Variants in PDGFRB observed in about 807,000 individuals in gnomAD.
The protein encoded by PDGFRB is platelet derived growth factor receptor beta.
PDGFRB carries 42 observed loss-of-function variants against 120.2 expected under a neutral mutation model. That is an observed-to-expected ratio of 0.35 (90% confidence interval 0.27 to 0.45). The LOEUF (loss-of-function observed/expected upper bound fraction) is 0.45. PDGFRB is among the 20% of genes least tolerant of loss of function. The probability of loss-of-function intolerance (pLI) is 1.00; values close to 1 mark genes in which losing one functional copy is unlikely to be tolerated. For synonymous variants in PDGFRB, 586 were observed against 606.8 expected (o/e 0.97, Z 0.50); for missense variants, 1,149 against 1,476.3 (o/e 0.78, Z 3.63).
Position 150,114,288 on chromosome 5 carries a change from C to T in PDGFRB, c.*1475G>A, listed in dbSNP as rs924007760. The T allele has an allele frequency of 8.6e-6, 2 of 233,076 alleles. No individual in the cohort carries two copies. The highest frequency in any genetic ancestry group is 4.4e-5 in the African/African-American group (2 of 45,354). The allele number at this position is 233,076 out of a possible 1,614,324, so 14.4% of individuals were successfully genotyped here. On this transcript the variant is annotated 3_prime_UTR_variant, in exon 23 of 23. Transcript: ENST00000261799. ...GATGGGGCAGCTGGTGGGTGAGGGG[C>T]AAACCTCCAAAGCGCCCACCTCTCA...
At chr5:150,140,853 T>G (rs540681039) in intron 1 of PDGFRB, among the ~76,000 whole-genome samples, 51 of 152,240 alleles carry the variant, frequency 3.3e-4, no homozygotes, top group African/African-American at 1.2e-3. Flanking sequence ...ACTTCCCTCC[T>G]CCCAGCACGT....
At chr5:150,119,037 G>T (rs1271030402) in intron 20 of PDGFRB, among the ~76,000 whole-genome samples, 185 bp from the exon 21 acceptor site, 1 of 152,186 alleles carries the variant, frequency 6.6e-6, no homozygotes, top group African/African-American at 2.4e-5. Flanking sequence ...CCCTCGCAGA[G>T]CCCCCATTCC....
At chr5:150,147,806 GT>G (rs1266699317) in intron 1 of PDGFRB, among the ~76,000 whole-genome samples, 2 of 152,154 alleles carry the variant, frequency 1.3e-5, no homozygotes, top group Non-Finnish European at 2.9e-5. Context: ...TCACTGGGTT[GT>G]CAGGGCTATT....
chr5:150,134,318 T>C (rs1278114930), intron 4 of PDGFRB, among the ~76,000 whole-genome samples: 3 of 152,184 alleles, frequency 2.0e-5, no homozygotes, highest in East Asian at 1.9e-4. Flanking sequence ...ACATAACATG[T>C]GCCAGGTACT....
rs760367935 is a variant in PDGFRB at position 150,120,079 on chromosome 5, G to T, written c.2631C>A (p.Asn877Lys). Reference sequence around the variant, plus strand: ...CGTCGCTCAGGGTGGTGTAGAGGCTGTTGAAGATGCTCTCCGGAGCCATCC... The same window carrying T: ...CGTCGCTCAGGGTGGTGTAGAGGCTTTTGAAGATGCTCTCCGGAGCCATCC... ...LKWMAPESIF[N>K]SLYTTLSDVW... The change falls in exon 19 of 23, where the codon AAC (asparagine) becomes AAA (lysine). Residue 877 changes from asparagine (N) to lysine (K), a missense_variant. Asn to Lys is a moderately conservative substitution (Grantham distance 94). This residue lies in a region of PDGFRB where 68 missense variants were observed against 153.3 expected (regional missense o/e 0.44). Transcript: ENST00000261799. The surrounding 1 kb of genome is among the most constrained non-coding windows in gnomAD (Gnocchi z 4.3). 1.7e-5 allele frequency: 27 copies of T among 1,606,704 alleles called. No homozygotes were observed. In the African/African-American group the frequency reaches 2.4e-4, roughly 14 times the overall value.
At chr5:150,131,682 C>T (rs762876437) in intron 8 of PDGFRB, among the ~76,000 whole-genome samples, 6 of 152,118 alleles carry the variant, frequency 3.9e-5, no homozygotes, top group African/African-American at 1.2e-4. Context: ...AAATACCTAT[C>T]GAGTTAATAG....
chr5:150,136,715 G>C (rs1243439391), intron 2 of PDGFRB, among the ~76,000 whole-genome samples: 2 of 152,200 alleles, frequency 1.3e-5, no homozygotes, highest in Non-Finnish European at 2.9e-5. Context: ...ACCAGACCGA[G>C]GATAGGAGGC....
chr5:150,134,053 C>T (rs1485816308), intron 4 of PDGFRB, 45 bp from the exon 5 acceptor site: 10 of 1,597,176 alleles, frequency 6.3e-6, no homozygotes, highest in Non-Finnish European at 7.7e-6. Flanking sequence ...TCACCACCAG[C>T]CACTAGCACT....
At chr5:150,145,784 C>CAGAAA (rs1760905913) in intron 1 of PDGFRB, among the ~76,000 whole-genome samples, 1 of 152,038 alleles carries the variant, frequency 6.6e-6, no homozygotes, top group African/African-American at 2.4e-5. Context: ...GCCTGTAATC[C>CAGAAA]CAGCTTCTCG....
rs774032065 is a variant in PDGFRB, at chr5:150,121,304, C to T, written c.2363G>A (p.Arg788Gln). The change falls in exon 17 of 23, where the codon CGA (arginine) becomes CAA (glutamine). Residue 788 changes from arginine to glutamine, a missense_variant. Coordinates refer to ENST00000261799, the MANE Select transcript of PDGFRB (RefSeq NM_002609.4). The surrounding 1 kb of genome is among the most constrained non-coding windows in gnomAD (Gnocchi z 4.1). ...TGGAGACTCGTTGATCAAAGTTGCT[C>T]GGCAGGTCCTCTCAGGGGCTAGAGG... ...YVPSAPERTC[R>Q]ATLINESPVL... 1.7e-5 allele frequency: 27 copies of T among 1,577,342 alleles called. No individual in the cohort carries two copies. The highest frequency in any genetic ancestry group is 3.3e-4 in the Middle Eastern group (2 of 6,018).
rs768416368 is a variant in PDGFRB, at chr5:150,125,497, C to T, written c.1755G>A (p.Met585Ile). Reference protein sequence around the residue: ...DGHEYIYVDPMQLPYDSTWEL... With the variant: ...DGHEYIYVDPIQLPYDSTWEL... ...CCCACGTGGAGTCATAGGGCAGCTG[C>T]ATGGGGTCCACGTAGATGTACTCAT... The change falls in exon 12 of 23, where the codon ATG (methionine) becomes ATA (isoleucine). Residue 585 changes from methionine to isoleucine, a missense_variant. Met to Ile is a conservative substitution (Grantham distance 10, BLOSUM62 1). Around this residue, in one of 3 missense-constraint regions of PDGFRB, gnomAD observed 879 missense variants for 1,108.6 expected, o/e 0.79. Transcript: ENST00000261799. 4.3e-6 allele frequency: 7 copies of T among 1,613,706 alleles called. No individual in the cohort carries two copies. The East Asian group carries it at 1.6e-4, about 36-fold the overall frequency.
Position 150,132,695 on chromosome 5 carries a change from G to A in PDGFRB, c.1127+55C>T. The A allele has an allele frequency of 2.6e-6, 4 of 1,523,820 alleles. No homozygotes were observed. The South Asian group carries it at 4.9e-5, about 19-fold the overall frequency. 94.4% of individuals were successfully genotyped at this position (1,523,820 alleles called of 1,614,324 possible). A position where few individuals can be genotyped will look rare whatever the true frequency, so the allele number is the denominator to read the frequency against. Reference sequence around the variant, plus strand: ...TGTGGCTGAAAGCCGAGGGCTGCCTGGCGGCTGCAAAGAAAAATAACTTCA... The same window carrying A: ...TGTGGCTGAAAGCCGAGGGCTGCCTAGCGGCTGCAAAGAAAAATAACTTCA... On this transcript the variant is annotated intron_variant, in intron 7 of 22. Transcript: ENST00000261799. This position sits in a 1 kb window ranked among gnomAD's most constrained non-coding sequence, Gnocchi z 5.0.
At chr5:150,136,856 G>C in intron 2 of PDGFRB, 152 bp downstream of exon 2, 1 of 650,516 alleles carries the variant, frequency 1.5e-6, no homozygotes, top group Admixed American at 2.8e-5. Flanking sequence ...GGCCTCCACA[G>C]AGCCCACTGG....
At chr5:150,130,761 AG>A (rs1760443654) in intron 8 of PDGFRB, 99 bp from the exon 9 acceptor site, 1 of 1,028,198 alleles carries the variant, frequency 9.7e-7, no homozygotes, top group East Asian at 2.4e-5. Context: ...CTCTTGGGGG[AG>A]GAGGGCTGTA....
rs75732095 is a variant in PDGFRB at position 150,115,974 on chromosome 5, G to A, written c.3138-28C>T. The A allele has an allele frequency of 0.015, 23,284 of 1,544,894 alleles. 1,114 individuals carry two copies. The East Asian group carries it at 0.21, about 14-fold the overall frequency. On this transcript the variant is annotated intron_variant, in intron 22 of 22. Transcript: ENST00000261799. ...AGAGGAAAGAGGCAGTGAGTGAGGG[G>A]CTAGGAAGGAGCCCAGGAGGATTCC...
At chr5:150,144,060 C>T (rs999660876) in intron 1 of PDGFRB, among the ~76,000 whole-genome samples, 2 of 152,090 alleles carry the variant, frequency 1.3e-5, no homozygotes, top group Non-Finnish European at 2.9e-5. Context: ...CGTGTGCTCC[C>T]GCTGCTCTGG....
rs1760499841 is a variant in PDGFRB, at chr5:150,132,687, G to A, written c.1127+63C>T. 1 of 1,492,888 alleles carries A rather than the reference G, an allele frequency of 6.7e-7. No individual in the cohort carries two copies. Among genetic ancestry groups the A allele is most frequent in the Admixed American group, 1.9e-5 (1 of 52,506 alleles). The allele number at this position is 1,492,888 out of a possible 1,614,324, so 92.5% of individuals were successfully genotyped here. On this transcript the variant is annotated intron_variant, in intron 7 of 22. Coordinates refer to ENST00000261799, the MANE Select transcript of PDGFRB (RefSeq NM_002609.4). This position sits in a 1 kb window ranked among gnomAD's most constrained non-coding sequence, Gnocchi z 5.0. ...CCTAGGTTTGTGGCTGAAAGCCGAG[G>A]GCTGCCTGGCGGCTGCAAAGAAAAA...
At chr5:150,124,568 C>T in intron 13 of PDGFRB, 159 bp downstream of exon 13, 1 of 619,334 alleles carries the variant, frequency 1.6e-6, no homozygotes, top group Non-Finnish European at 2.9e-6. Flanking sequence ...ACGCTCTTTC[C>T]CAAACCAGAC....
intron 1 of PDGFRB, among the ~76,000 whole-genome samples, chr5:150,139,849 A>T (rs1480011594): frequency 6.6e-6 from 1 of 152,064 alleles, no homozygotes; most frequent in Non-Finnish European, 1.5e-5. Context: ...ACATGGTGGC[A>T]AGTGCCTGTA....
Sources: allele counts gnomAD v4.1 joint callset (sites outside exome capture counted in the v4.1 genomes callset), GRCh38; gene constraint gnomAD v4.1.1; regional missense constraint gnomAD v4.1.1; non-coding constraint Gnocchi (gnomAD v3.1); transcripts MANE v1.5; gene names NCBI Gene and HGNC (gene_info 2026-07-23, HGNC 2026-07-21).